The following FBP1 variants were observed in gnomAD, a reference collection of about 807,000 sequenced individuals.
FBP1 encodes the protein fructose-bisphosphatase 1.
In FBP1, 22 loss-of-function variants were observed where a neutral mutation model predicts 29.9. The ratio of observed to expected loss-of-function variants is 0.74; its 90% CI spans 0.53 to 1.05. FBP1 has a LOEUF of 1.05. FBP1 is among the 50% of genes least tolerant of loss of function. The probability of loss-of-function intolerance (pLI) is 0.00; values close to 1 mark genes in which losing one functional copy is unlikely to be tolerated. For missense variants in FBP1, 345 were observed against 448.2 expected (o/e 0.77, Z 2.08); for synonymous variants, 175 against 178.6 (o/e 0.98, Z 0.16).
In FBP1 at chr9:94,614,889, T is replaced by C. The variant is rs112304906; in HGVS notation, c.426+2879A>G. 9.8e-3 allele frequency among the ~76,000 whole-genome samples: 1,493 copies of C among 152,292 alleles called. 26 individuals are homozygous for C. Among genetic ancestry groups the C allele is most frequent in the African/African-American group, 0.034 (1,409 of 41,564 alleles). The stretch of plus-strand genomic sequence containing the variant: ...GTCTGTGTCATACTCATCATCACTT[T>C]CTTTTTATTAATTAATTAATTTATT... On this transcript the variant is annotated intron_variant, in intron 3 of 6. Transcript: ENST00000375326.
At chr9:94,612,763 G>A (rs985778118) in intron 3 of FBP1, among the ~76,000 whole-genome samples, 25 of 151,536 alleles carry the variant, frequency 1.6e-4, no homozygotes, top group Non-Finnish European at 5.9e-5. Flanking sequence ...GTTTCACCAT[G>A]TTGGCCAAGA....
intron 2 of FBP1, 105 bp downstream of exon 2, chr9:94,620,224 A>G (rs1827926409): frequency 8.7e-7 from 1 of 1,148,190 alleles, no homozygotes; most frequent in Non-Finnish European, 1.3e-6. Context: ...AGGGATCTAG[A>G]GGGACTCCCA....
chr9:94,609,344 G>A (rs1827749026), intron 4 of FBP1, among the ~76,000 whole-genome samples: 1 of 152,224 alleles, frequency 6.6e-6, no homozygotes, highest in Admixed American at 6.5e-5. Context: ...GCCTTTTGGT[G>A]ACTAAAGTAG....
intron 3 of FBP1, among the ~76,000 whole-genome samples, chr9:94,613,530 CGAG>C (rs33921126): frequency 0.41 from 61,809 of 151,628 alleles, 12,854 homozygotes; most frequent in Admixed American, 0.49. Flanking sequence ...TTTGGGAGGT[CGAG>C]GCGGGAGGAT....
intron 6 of FBP1, among the ~76,000 whole-genome samples, chr9:94,604,163 C>A (rs933553453): frequency 6.6e-6 from 1 of 152,132 alleles, no homozygotes; most frequent in Non-Finnish European, 1.5e-5. Context: ...ATGCAGTCTG[C>A]CTACTGAGCG....
Position 94,609,963 on chromosome 9 carries a change from G to A in FBP1, c.525C>T (p.Val175=). The stretch of plus-strand genomic sequence containing the variant: ...AGTTGACCCCACAGTCCATGGCAAG[G>A]ACCAGCATGGTGGCACTGCCATACA... ...YALYGSATML[V]LAMDCGVNCF... is the part of the protein sequence containing the mutation. Residue 175 remains valine, a synonymous_variant, in exon 4 of 7, where the codon GTC becomes GTT. Coordinates refer to ENST00000375326, the MANE Select transcript of FBP1 (RefSeq NM_000507.4). The A allele has an allele frequency of 6.2e-7, 1 of 1,614,188 alleles. No homozygotes were observed. Among genetic ancestry groups the A allele is most frequent in the East Asian group, 2.2e-5 (1 of 44,890 alleles).
chr9:94,621,895 C>T (rs1363496619), intron 1 of FBP1, among the ~76,000 whole-genome samples: 5 of 152,242 alleles, frequency 3.3e-5, no homozygotes, highest in East Asian at 1.9e-4. Flanking sequence ...AAGCATCAAC[C>T]GGCCCCTCTG....
intron 1 of FBP1, among the ~76,000 whole-genome samples, chr9:94,627,681 C>T (rs1442681302): frequency 1.3e-5 from 2 of 152,224 alleles, no homozygotes; most frequent in Non-Finnish European, 2.9e-5. Context: ...ATGACACCAA[C>T]TACCCTCCGT....
Position 94,639,338 on chromosome 9 carries a change from C to CA in FBP1, c.-29dup. The CA allele has an allele frequency of 6.3e-7, 1 of 1,594,768 alleles. No individual in the cohort carries two copies. The highest frequency in any genetic ancestry group is 1.1e-5 in the South Asian group (1 of 88,204). On this transcript the variant is annotated 5_prime_UTR_variant, in exon 1 of 7. Coordinates refer to ENST00000375326, the MANE Select transcript of FBP1 (RefSeq NM_000507.4). ...TTGAACCGGGTAGAGCGCGGGGCTG[C>CA]AGGTGCAAGCGGCAGGTGCGGGGCT...
rs1158278182 is a variant in FBP1, at chr9:94,606,795, C to A, written c.705+20G>T. ...CCAGATGCCCAGAACCTGCACCACC[C>A]TCCCCGGGCCCTCACTTACTGGGGG... On this transcript the variant is annotated intron_variant, in intron 5 of 6. Transcript: ENST00000375326. 1.9e-6 allele frequency: 3 copies of A among 1,611,068 alleles called. No individual in the cohort carries two copies. Among genetic ancestry groups the A allele is most frequent in the Non-Finnish European group, 1.7e-6 (2 of 1,178,626 alleles).
chr9:94,636,657 C>T (rs557708786), intron 1 of FBP1, among the ~76,000 whole-genome samples: 12 of 152,068 alleles, frequency 7.9e-5, no homozygotes, highest in African/African-American at 2.9e-4. Context: ...AAGGTACTGA[C>T]ACATTTTTTA....
At chr9:94,615,309 AGCTG>A (rs1357963687) in intron 3 of FBP1, among the ~76,000 whole-genome samples, 1 of 152,072 alleles carries the variant, frequency 6.6e-6, no homozygotes, top group Non-Finnish European at 1.5e-5. Context: ...TGCTGTTGCA[AGCTG>A]GCTTGATTTT....
intron 5 of FBP1, 114 bp from the exon 6 acceptor site, chr9:94,605,690 T>C (rs1464998868): frequency 7.7e-6 from 8 of 1,037,634 alleles, no homozygotes; most frequent in Non-Finnish European, 1.2e-5. Context: ...CTACAAGGTA[T>C]GTATTTGGGG....
At chr9:94,639,620 G>C (rs565094244), upstream of FBP1, 14 of 488,340 alleles carry the variant, frequency 2.9e-5, no homozygotes, top group East Asian at 5.7e-4. Context: ...ACCAGACCGC[G>C]GCTCCGCCTG....
At chr9:94,636,966 A>C (rs929197038) in intron 1 of FBP1, among the ~76,000 whole-genome samples, 20 of 152,142 alleles carry the variant, frequency 1.3e-4, no homozygotes, top group Non-Finnish European at 1.3e-4. Flanking sequence ...CTGGGATTAC[A>C]GGTGTGAGCC....
Position 94,619,874 on chromosome 9 carries a change from C to CAAAAAAAAAAAAAAAA in FBP1, c.333+439_333+454dup, listed in dbSNP as rs56722632. Among the ~76,000 whole-genome samples the CAAAAAAAAAAAAAAAA allele has an allele frequency of 9.5e-4, 94 of 99,156 alleles. 4 individuals carry two copies. The highest frequency in any genetic ancestry group is 4.9e-3 in the African/African-American group (85 of 17,524). 65.1% of individuals were successfully genotyped at this position (99,156 alleles called of 152,430 possible). A position where few individuals can be genotyped will look rare whatever the true frequency, so the allele number is the denominator to read the frequency against. ...GGGCAACAAGAGCAAAACACTGTCT[C>CAAAAAAAAAAAAAAAA]AAAAAAAAAAAAAAAAAAAAAAAAA... On this transcript the variant is annotated intron_variant, in intron 2 of 6. Transcript: ENST00000375326.
chr9:94,635,408 T>G (rs1413811870), intron 1 of FBP1, among the ~76,000 whole-genome samples: 1 of 152,252 alleles, frequency 6.6e-6, no homozygotes, highest in Non-Finnish European at 1.5e-5. Context: ...GGCTCTGTGC[T>G]TAAACTCCTG....
chr9:94,603,873 C>T, intron 6 of FBP1: 1 of 416,638 alleles, frequency 2.4e-6, no homozygotes, highest in Non-Finnish European at 4.5e-6. Flanking sequence ...CAGAAGCGAT[C>T]ATTGCCTTCT....
intron 1 of FBP1, among the ~76,000 whole-genome samples, chr9:94,626,201 T>G (rs1828024365): frequency 6.6e-6 from 1 of 152,232 alleles, no homozygotes; most frequent in African/African-American, 2.4e-5. Flanking sequence ...TAGATTACTC[T>G]GGGCTGCTCC....
Sources: allele counts gnomAD v4.1 joint callset (sites outside exome capture counted in the v4.1 genomes callset), GRCh38; gene constraint gnomAD v4.1.1; transcripts MANE v1.5; gene names NCBI Gene and HGNC (gene_info 2026-07-23, HGNC 2026-07-21).